Variants in PTPN14 observed in about 807,000 individuals in gnomAD.
PTPN14 encodes tyrosine-protein phosphatase non-receptor type 14.
A neutral mutation model predicts 126.8 loss-of-function variants in PTPN14; 53 were observed. That is an observed-to-expected ratio of 0.42 (90% confidence interval 0.34 to 0.53). The LOEUF is 0.53. Ranked by LOEUF, PTPN14 falls within the 20% of genes least tolerant of loss-of-function variation. PTPN14 has a pLI of 0.08. For missense variants in PTPN14, 1,257 were observed against 1,552.9 expected (o/e 0.81, Z 3.20); for synonymous variants, 630 against 599.3 (o/e 1.05, Z -0.75).
At chr1:214,482,548 G>A (rs1051521418) in intron 1 of PTPN14, among the ~76,000 whole-genome samples, 3 of 148,704 alleles carry the variant, frequency 2.0e-5, no homozygotes, top group Non-Finnish European at 3.0e-5. Flanking sequence ...GAGGCATGCC[G>A]TAGATGGGCA....
At chr1:214,510,481 A>T (rs1654948095) in intron 1 of PTPN14, among the ~76,000 whole-genome samples, 1 of 152,236 alleles carries the variant, frequency 6.6e-6, no homozygotes, top group Non-Finnish European at 1.5e-5. Context: ...ATGACATTGC[A>T]ATGAAATACA....
chr1:214,518,732 A>G (rs1655170184), intron 1 of PTPN14, among the ~76,000 whole-genome samples: 1 of 152,200 alleles, frequency 6.6e-6, no homozygotes, highest in Admixed American at 6.5e-5. Flanking sequence ...TCTAAATACA[A>G]CAGCTATTCA....
At chr1:214,368,158 C>T (rs1658126751) in intron 17 of PTPN14, among the ~76,000 whole-genome samples, 1 of 150,654 alleles carries the variant, frequency 6.6e-6, no homozygotes, top group African/African-American at 2.5e-5. Context: ...TTGTGAGATG[C>T]AAACCTTCAT....
At position 214,481,324 on chromosome 1, in the gene PTPN14, T is replaced by C. The variant is rs559202585; in HGVS notation, c.-154-16367A>G. On this transcript the variant is annotated intron_variant, in intron 1 of 18. Transcript: ENST00000366956. ...GAGTTCGAGACCACCATGGCCAACA[T>C]GGTGAAACCCCATCTCTACTAAAAA... Among the ~76,000 whole-genome samples the C allele has an allele frequency of 2.7e-3, 416 of 151,854 alleles. 2 individuals carry two copies. The highest frequency in any genetic ancestry group is 4.5e-3 in the Non-Finnish European group (304 of 67,922).
chr1:214,532,066 A>C (rs1465739037), intron 1 of PTPN14: 1 of 164,176 alleles, frequency 6.1e-6, no homozygotes, highest in Admixed American at 5.9e-5. Context: ...ACCTTGTATC[A>C]AGTATGTTTT....
At chr1:214,421,118 T>C (rs1484979920) in intron 3 of PTPN14, among the ~76,000 whole-genome samples, 1 of 152,212 alleles carries the variant, frequency 6.6e-6, no homozygotes, top group Admixed American at 6.5e-5. Flanking sequence ...GGCAATGTTA[T>C]TCACAACAGC....
rs895296486 is a variant in PTPN14 at position 214,444,576 on chromosome 1, T to C, written c.344+7229A>G. On this transcript the variant is annotated intron_variant, in intron 3 of 18. Coordinates refer to ENST00000366956, the MANE Select transcript of PTPN14 (RefSeq NM_005401.5). ...ATTAGAGCTTTTAAAACAGACACTT[T>C]AAACACTGGTTGAACACTAACTTGT... Among the ~76,000 whole-genome samples the C allele has an allele frequency of 8.6e-4, 131 of 152,216 alleles. 2 individuals are homozygous for C. Among genetic ancestry groups the C allele is most frequent in the Admixed American group, 8.4e-3 (129 of 15,284 alleles).
chr1:214,445,863 A>G (rs1225906230), intron 3 of PTPN14, among the ~76,000 whole-genome samples: 1 of 152,182 alleles, frequency 6.6e-6, no homozygotes, highest in Non-Finnish European at 1.5e-5. Context: ...TGTCCAGAAA[A>G]ATGTGAAAAC....
At chr1:214,445,718 T>G (rs957876332) in intron 3 of PTPN14, among the ~76,000 whole-genome samples, 3 of 152,192 alleles carry the variant, frequency 2.0e-5, no homozygotes, top group African/African-American at 7.2e-5. Flanking sequence ...GAGGAAGACT[T>G]GGAAAAACCC....
intron 4 of PTPN14, among the ~76,000 whole-genome samples, chr1:214,413,060 A>G (rs577360863): frequency 6.6e-6 from 1 of 152,236 alleles, no homozygotes; most frequent in East Asian, 1.9e-4. Flanking sequence ...CTTTTTTCGT[A>G]GAGACAGAGT....
chr1:214,509,371 T>C (rs1172997969), intron 1 of PTPN14, among the ~76,000 whole-genome samples: 1 of 152,226 alleles, frequency 6.6e-6, no homozygotes, highest in Admixed American at 6.5e-5. Flanking sequence ...TCAGTCAACC[T>C]CTGCTAGCTC....
intron 8 of PTPN14, among the ~76,000 whole-genome samples, chr1:214,395,952 G>A (rs1245738355): frequency 6.6e-6 from 1 of 152,034 alleles, no homozygotes; most frequent in Non-Finnish European, 1.5e-5. Flanking sequence ...GCCTGCTGCA[G>A]TCCCCTACCG....
intron 7 of PTPN14, among the ~76,000 whole-genome samples, chr1:214,398,955 G>T (rs890600311): frequency 6.6e-6 from 1 of 151,240 alleles, no homozygotes; most frequent in Non-Finnish European, 1.5e-5. Flanking sequence ...TTTTAGTAGA[G>T]ACAGGGTTTC....
intron 11 of PTPN14, among the ~76,000 whole-genome samples, chr1:214,387,752 G>A (rs919729945): frequency 6.6e-6 from 1 of 151,998 alleles, no homozygotes; most frequent in Non-Finnish European, 1.5e-5. Context: ...GAGAATAAGG[G>A]GGACACCTGT....
chr1:214,476,562 C>G lies in PTPN14; in HGVS notation c.-154-11605G>C, dbSNP rs142921578. Reference sequence around the variant, plus strand: ...CATGTCCAGGGTGTCACTTCCTATCCAAACAGTGAGCAGCAGCTAAGCCAC... The same window carrying G: ...CATGTCCAGGGTGTCACTTCCTATCGAAACAGTGAGCAGCAGCTAAGCCAC... On this transcript the variant is annotated intron_variant, in intron 1 of 18. Transcript: ENST00000366956. Among the ~76,000 whole-genome samples, 38 of 152,268 alleles carry G rather than the reference C, an allele frequency of 2.5e-4. No homozygotes were observed. In the East Asian group the frequency reaches 3.1e-3, roughly 12 times the overall value.
chr1:214,521,450 C>T (rs183605423), intron 1 of PTPN14, among the ~76,000 whole-genome samples: 17 of 152,242 alleles, frequency 1.1e-4, no homozygotes, highest in African/African-American at 1.7e-4. Flanking sequence ...TGGTGGCTCA[C>T]GCCTATAATC....
chr1:214,456,107 C>T (rs1166326819), intron 2 of PTPN14, among the ~76,000 whole-genome samples: 4 of 132,400 alleles, frequency 3.0e-5, no homozygotes, highest in Non-Finnish European at 5.1e-5. Flanking sequence ...AGTTTTGTGA[C>T]AATGGCACAG....
At chr1:214,530,511 T>A (rs1255399804) in intron 1 of PTPN14, 1 of 151,788 alleles carries the variant, frequency 6.6e-6, no homozygotes, top group African/African-American at 2.4e-5. Context: ...CTGGCTACTT[T>A]TTGTATTTTT....
intron 3 of PTPN14, among the ~76,000 whole-genome samples, chr1:214,451,285 C>T (rs1435075366): frequency 2.0e-5 from 3 of 151,932 alleles, no homozygotes; most frequent in South Asian, 2.1e-4. Context: ...CTCAGTGTCC[C>T]GAGGAGCTGG....
Sources: gnomAD v4.1 joint callset for allele counts (sites outside exome capture counted in the v4.1 genomes callset) on GRCh38, gnomAD v4.1.1 for gene constraint, MANE v1.5 for transcripts, NCBI Gene and HGNC (gene_info 2026-07-23, HGNC 2026-07-21) for gene names.